The following STXBP3 variants were observed in gnomAD, a reference collection of about 807,000 sequenced individuals.
STXBP3 encodes the protein syntaxin binding protein 3.
In STXBP3, 41 loss-of-function variants were observed where a neutral mutation model predicts 85.7. The observed-to-expected ratio is 0.48, with a 90% CI of 0.37 to 0.62. The LOEUF is 0.62. STXBP3 is among the 20% of genes least tolerant of loss of function. The pLI is 0.00. For missense variants in STXBP3, 563 were observed against 703.1 expected, an observed-to-expected ratio of 0.80 and a Z score of 2.25; for synonymous variants, 229 against 231.7, an observed-to-expected ratio of 0.99 and a Z score of 0.10.
At chr1:108,762,878 T>C (rs1662170472) in intron 6 of STXBP3, among the ~76,000 whole-genome samples, 1 of 152,198 alleles carries the variant, frequency 6.6e-6, no homozygotes, top group South Asian at 2.1e-4. Context: ...ACATAACTAC[T>C]TTTGCCAAAA....
chr1:108,799,930 C>T (rs1663198218), intron 16 of STXBP3, among the ~76,000 whole-genome samples: 3 of 152,090 alleles, frequency 2.0e-5, no homozygotes, highest in Non-Finnish European at 2.9e-5. Flanking sequence ...TAGAGACCCC[C>T]GGCACCATAG....
chr1:108,772,619 A>T (rs1246997210), intron 6 of STXBP3, 46 bp from the exon 7 acceptor site: 35 of 1,208,654 alleles, frequency 2.9e-5, no homozygotes, highest in Non-Finnish European at 3.3e-5. Flanking sequence ...TATTTTTTTT[A>T]AATCAGGTCT....
chr1:108,761,265 T>A (rs1290918864), intron 6 of STXBP3, among the ~76,000 whole-genome samples: 2 of 152,220 alleles, frequency 1.3e-5, no homozygotes, highest in East Asian at 3.8e-4. Flanking sequence ...TTAACATATC[T>A]GCTTAACATT....
At position 108,776,411 on chromosome 1, in the gene STXBP3, G is replaced by T; in HGVS notation, c.672G>T (p.Lys224Asn). 1.2e-6 allele frequency: 2 copies of T among 1,605,162 alleles called. No individual in the cohort carries two copies. The highest frequency in any genetic ancestry group is 1.1e-5 in the South Asian group (1 of 90,132). Residue 224 changes from lysine (K) to asparagine (N), a missense_variant, in exon 8 of 19, where the codon AAG becomes AAT. Lys to Asn is a moderately conservative substitution (Grantham distance 94). Transcript: ENST00000370008. ...AAGACTACTACAAGATTGATGAAAA[G>T]AGCCTAATAAAGGTAATGTATGCAA... ...KLEDYYKIDE[K>N]SLIKGKTHSQ...
intron 11 of STXBP3, among the ~76,000 whole-genome samples, chr1:108,793,157 A>ATTTTTTTTTCTTTTTTTTTTTTTTTTT (rs751400870): frequency 1.5e-5 from 1 of 67,508 alleles, no homozygotes; most frequent in Non-Finnish European, 2.7e-5. Flanking sequence ...TCTTATCTCC[A>ATTTTTTTTTCTTTTTTTTTTTTTTTTT]TTTTTTTTTT....
chr1:108,768,258 GC>G (rs1234309379), intron 6 of STXBP3, among the ~76,000 whole-genome samples: 23 of 152,146 alleles, frequency 1.5e-4, no homozygotes, highest in African/African-American at 5.1e-4. Flanking sequence ...GCATTTAGGA[GC>G]CAGGTTTTGT....
chr1:108,770,743 G>A (rs548833569), intron 6 of STXBP3, among the ~76,000 whole-genome samples: 29 of 147,166 alleles, frequency 2.0e-4, no homozygotes, highest in African/African-American at 5.8e-4. Context: ...TTAGTTTAAC[G>A]GGGAACTCTC....
chr1:108,802,061 C>A (rs1663243652), intron 17 of STXBP3, among the ~76,000 whole-genome samples: 1 of 152,094 alleles, frequency 6.6e-6, no homozygotes, highest in African/African-American at 2.4e-5. Flanking sequence ...GAGAGCTTAT[C>A]TTTTCTTTCT....
chr1:108,779,624 G>C (rs1393442168), intron 9 of STXBP3: 3 of 397,586 alleles, frequency 7.5e-6, no homozygotes, highest in Non-Finnish European at 1.2e-5. Context: ...GAGCATTTTT[G>C]GTGTGTTTGC....
rs1282142296 is a variant in STXBP3 at position 108,793,582 on chromosome 1, A to G, written c.964A>G (p.Thr322Ala). Residue 322 changes from threonine (T) to alanine (A), a missense_variant and splice_region_variant, in exon 12 of 19, where the codon ACA (threonine) becomes GCA (alanine). This residue lies in a region of STXBP3 where 494 missense variants were observed against 592.8 expected (regional missense o/e 0.83). Transcript: ENST00000370008. ...TAAAAAAATGTTTGATTTTTCCTAGACATCACTTAGTGCTCTTACCCAGCT... is the reference window on the plus strand; with the variant it reads ...TAAAAAAATGTTTGATTTTTCCTAGGCATCACTTAGTGCTCTTACCCAGCT... ...SSTKKATEGK[T>A]SLSALTQLMK... The G allele has an allele frequency of 1.8e-5, 29 of 1,610,680 alleles. No individual in the cohort carries two copies. Among genetic ancestry groups the G allele is most frequent in the Non-Finnish European group, 2.4e-5 (28 of 1,178,178 alleles).
intron 11 of STXBP3, among the ~76,000 whole-genome samples, chr1:108,793,111 A>G (rs1269069228): frequency 7.4e-6 from 1 of 135,334 alleles, no homozygotes; most frequent in Admixed American, 7.5e-5. Context: ...TCTTTTTAGC[A>G]CTCTGCTTCC....
intron 15 of STXBP3, among the ~76,000 whole-genome samples, chr1:108,797,414 CT>C (rs1322961126): frequency 0.013 from 1,758 of 135,058 alleles, 8 homozygotes; most frequent in Non-Finnish European, 0.016. Context: ...TCTTTCCCAT[CT>C]TTTTTTTTTT....
At chr1:108,790,160 T>TA (rs1351329404) in intron 11 of STXBP3, among the ~76,000 whole-genome samples, 1 of 152,190 alleles carries the variant, frequency 6.6e-6, no homozygotes, top group Non-Finnish European at 1.5e-5. Flanking sequence ...CTCTGTCAGT[T>TA]ACTAGAAGTG....
chr1:108,775,927 ACACACACACACACACAC>A (rs1662581691), intron 7 of STXBP3, among the ~76,000 whole-genome samples: 1 of 14,796 alleles, frequency 6.8e-5, no homozygotes, highest in East Asian at 3.3e-4. Flanking sequence ...TCAAACACAC[ACACACACACACACACAC>A]ACACACACAT....
At chr1:108,752,154 T>G (rs1361393986) in intron 1 of STXBP3, 103 bp from the exon 2 acceptor site, 3 of 1,047,900 alleles carry the variant, frequency 2.9e-6, no homozygotes, top group Non-Finnish European at 4.3e-6. Context: ...TTATGTAGTT[T>G]AACAAATTTC....
intron 3 of STXBP3, 139 bp from the exon 4 acceptor site, chr1:108,756,551 C>T (rs1052140932): frequency 4.9e-6 from 2 of 410,396 alleles, no homozygotes; most frequent in Non-Finnish European, 8.4e-6. Flanking sequence ...ATGTTAAACC[C>T]AGTAAATGTT....
intron 11 of STXBP3, among the ~76,000 whole-genome samples, chr1:108,787,719 A>G (rs1662888820): frequency 6.6e-6 from 1 of 152,038 alleles, no homozygotes; most frequent in Non-Finnish European, 1.5e-5. Flanking sequence ...TTCTTTTATC[A>G]GATTAAGGAT....
chr1:108,755,147 TA>T (rs1040818559), intron 3 of STXBP3, among the ~76,000 whole-genome samples: 1 of 151,850 alleles, frequency 6.6e-6, no homozygotes, highest in Non-Finnish European at 1.5e-5. Flanking sequence ...TATAAAACCT[TA>T]AAAAAAATAA....
intron 11 of STXBP3, among the ~76,000 whole-genome samples, chr1:108,790,049 A>G (rs879352707): frequency 9.3e-5 from 14 of 150,466 alleles, no homozygotes; most frequent in Non-Finnish European, 1.5e-4. Flanking sequence ...TAAGTGCCCT[A>G]TGTGTACTTG....
Sources: gnomAD v4.1 joint callset for allele counts (sites outside exome capture counted in the v4.1 genomes callset) on GRCh38, gnomAD v4.1.1 for gene constraint, gnomAD v4.1.1 regional missense constraint, MANE v1.5 for transcripts, NCBI Gene and HGNC (gene_info 2026-07-23, HGNC 2026-07-21) for gene names.